The following ELP3 variants were observed in gnomAD, a reference collection of about 807,000 sequenced individuals.
The protein encoded by ELP3 is elongator acetyltransferase complex subunit 3.
In ELP3, 56 loss-of-function variants were observed where a neutral mutation model predicts 74.9. The observed-to-expected ratio is 0.75, with a 90% confidence interval of 0.60 to 0.93. The LOEUF is 0.93. ELP3 is among the 40% of genes least tolerant of loss of function. ELP3 has a pLI of 0.00. For missense variants in ELP3, 573 were observed against 686.5 expected, an observed-to-expected ratio of 0.83 and a Z score of 1.85; for synonymous variants, 222 against 239.8, an observed-to-expected ratio of 0.93 and a Z score of 0.68.
intron 5 of ELP3, among the ~76,000 whole-genome samples, chr8:28,108,563 T>C (rs1045585774): frequency 6.6e-6 from 1 of 151,728 alleles, no homozygotes; most frequent in Non-Finnish European, 1.5e-5. Flanking sequence ...TTCAAGTGAT[T>C]CTCCTGCCTC....
At chr8:28,182,846 C>G (rs532612868) in intron 14 of ELP3, among the ~76,000 whole-genome samples, 78 of 152,324 alleles carry the variant, frequency 5.1e-4, no homozygotes, top group African/African-American at 1.9e-3. Flanking sequence ...TCTTTCTCAT[C>G]ATGAGGGGCT....
At position 28,161,220 on chromosome 8, in the gene ELP3, T is replaced by C. The variant is rs117599245; in HGVS notation, c.1485+764T>C. Reference sequence around the variant, plus strand: ...AAATGTGTTAAAACCTAATGGCGGATATGATATACGAGCCAAAATTGATTA... The same window carrying C: ...AAATGTGTTAAAACCTAATGGCGGACATGATATACGAGCCAAAATTGATTA... On this transcript the variant is annotated intron_variant, in intron 13 of 14. Coordinates refer to ENST00000256398, the MANE Select transcript of ELP3 (RefSeq NM_018091.6). 8.3e-3 allele frequency among the ~76,000 whole-genome samples: 1,262 copies of C among 152,306 alleles called. 9 individuals are homozygous for C. Among genetic ancestry groups the C allele is most frequent in the Non-Finnish European group, 0.011 (738 of 68,028 alleles).
intron 14 of ELP3, among the ~76,000 whole-genome samples, chr8:28,167,438 GCTACTA>G (rs1230346247): frequency 6.6e-5 from 10 of 152,100 alleles, no homozygotes; most frequent in African/African-American, 2.4e-4. Context: ...TGTCTCTCAG[GCTACTA>G]CACATCTCCC....
At chr8:28,111,705 A>C (rs1399692561) in intron 6 of ELP3, among the ~76,000 whole-genome samples, 2 of 152,254 alleles carry the variant, frequency 1.3e-5, no homozygotes, top group African/African-American at 4.8e-5. Flanking sequence ...ACTATTGAGC[A>C]TGAAATGCTT....
At chr8:28,163,912 G>A (rs1331537850) in intron 14 of ELP3, among the ~76,000 whole-genome samples, 1 of 152,186 alleles carries the variant, frequency 6.6e-6, no homozygotes, top group African/African-American at 2.4e-5. Flanking sequence ...GTGATACCAT[G>A]CTGTCTTCAG....
At chr8:28,153,070 C>T (rs1813702799) in intron 10 of ELP3, among the ~76,000 whole-genome samples, 1 of 152,170 alleles carries the variant, frequency 6.6e-6, no homozygotes, top group South Asian at 2.1e-4. Flanking sequence ...TACTGAACAT[C>T]CAGGTAGCTC....
Position 28,110,780 on chromosome 8 carries a change from G to C in ELP3, c.462+342G>C, listed in dbSNP as rs529992589. 1.8e-5 allele frequency: 4 copies of C among 226,800 alleles called. No individual in the cohort carries two copies. In the South Asian group the frequency reaches 2.7e-4, roughly 15 times the overall value. 14.0% of individuals were successfully genotyped at this position (226,800 alleles called of 1,614,324 possible). A position where few individuals can be genotyped will look rare whatever the true frequency, so the allele number is the denominator to read the frequency against. On this transcript the variant is annotated intron_variant, in intron 6 of 14. Coordinates refer to ENST00000256398, the MANE Select transcript of ELP3 (RefSeq NM_018091.6). The stretch of plus-strand genomic sequence containing the variant: ...GTTGACTTTTAATTTCCAAAAGTCA[G>C]ATTAAGAAGTATTTTGACTGGCCAT...
At chr8:28,174,993 G>T (rs575470531) in intron 14 of ELP3, among the ~76,000 whole-genome samples, 1 of 152,212 alleles carries the variant, frequency 6.6e-6, no homozygotes, top group Non-Finnish European at 1.5e-5. Flanking sequence ...GACCTCCATA[G>T]TTTCTAATAT....
At chr8:28,130,074 T>C (rs1563263269) in intron 8 of ELP3, among the ~76,000 whole-genome samples, 1 of 152,200 alleles carries the variant, frequency 6.6e-6, no homozygotes. Flanking sequence ...TAGCAAAAAG[T>C]TTGGTGATGC....
chr8:28,188,601 G>A (rs1394784852), intron 14 of ELP3, among the ~76,000 whole-genome samples: 1 of 152,160 alleles, frequency 6.6e-6, no homozygotes, highest in African/African-American at 2.4e-5. Flanking sequence ...CCACTTGCTG[G>A]GAGCATGGTG....
At chr8:28,160,718 A>G (rs1170926350) in intron 13 of ELP3, among the ~76,000 whole-genome samples, 1 of 152,124 alleles carries the variant, frequency 6.6e-6, no homozygotes, top group Non-Finnish European at 1.5e-5. Flanking sequence ...TTTTTGAGAC[A>G]GAGCCTCACT....
intron 10 of ELP3, among the ~76,000 whole-genome samples, chr8:28,139,563 A>G (rs1813140041): frequency 6.6e-6 from 1 of 152,226 alleles, no homozygotes. Context: ...TGTACTGAAC[A>G]TGTATAGATT....
rs1364750295 is a variant in ELP3 at position 28,149,081 on chromosome 8, C to A, written c.1101-6861C>A. ...TGAGAAAGTGGGCCCTCACCAGGCACTGAATATGCAAGTACCTTAATCTTG... is the reference window on the plus strand; with the variant it reads ...TGAGAAAGTGGGCCCTCACCAGGCAATGAATATGCAAGTACCTTAATCTTG... On this transcript the variant is annotated intron_variant, in intron 10 of 14. Coordinates refer to ENST00000256398, the MANE Select transcript of ELP3 (RefSeq NM_018091.6). Among the ~76,000 whole-genome samples, 8 of 152,170 alleles carry A rather than the reference C, an allele frequency of 5.3e-5. 1 individual carries two copies. Among genetic ancestry groups the A allele is most frequent in the Admixed American group, 5.2e-4 (8 of 15,284 alleles).
At position 28,093,420 on chromosome 8, in the gene ELP3, C is replaced by T. The variant is rs940501233; in HGVS notation, c.19+187C>T. The T allele has an allele frequency of 4.3e-6, 3 of 703,258 alleles. 1 individual carries two copies. The highest frequency in any genetic ancestry group is 1.8e-5 in the African/African-American group (1 of 55,780). The allele number at this position is 703,258 out of a possible 1,614,324, so 43.6% of individuals were successfully genotyped here. ...GTTTTTCCTGTTTTGCTTTTTGAAG[C>T]ACCCTACCCTTCCTCTCTTCCTCTT... On this transcript the variant is annotated intron_variant, in intron 1 of 14. Transcript: ENST00000256398.
At chr8:28,158,424 C>T (rs1813927084) in intron 11 of ELP3, 144 bp from the exon 12 acceptor site, 1 of 644,058 alleles carries the variant, frequency 1.6e-6, no homozygotes, top group Non-Finnish European at 2.8e-6. Flanking sequence ...TCTTTTATCT[C>T]ACTGCAAGTT....
Position 28,096,452 on chromosome 8 carries a change from C to T in ELP3, c.20-767C>T, listed in dbSNP as rs186520727. ...TGAGAAGCTTGCTTGCTGACAGCTT[C>T]CAAGCTGATATCCCACAGCTTTTGT... On this transcript the variant is annotated intron_variant, in intron 1 of 14. Coordinates refer to ENST00000256398, the MANE Select transcript of ELP3 (RefSeq NM_018091.6). 4.5e-3 allele frequency among the ~76,000 whole-genome samples: 688 copies of T among 152,282 alleles called. 3 individuals are homozygous for T. Among genetic ancestry groups the T allele is most frequent in the African/African-American group, 0.014 (576 of 41,558 alleles).
At chr8:28,104,757 T>A (rs1447456478) in intron 3 of ELP3, among the ~76,000 whole-genome samples, 1 of 152,240 alleles carries the variant, frequency 6.6e-6, no homozygotes, top group Non-Finnish European at 1.5e-5. Context: ...TTCCTATCAC[T>A]GATGTTCCTC....
chr8:28,129,470 A>C (rs1324496845), intron 7 of ELP3, 32 bp from the exon 8 acceptor site: 16 of 1,611,918 alleles, frequency 9.9e-6, no homozygotes, highest in Non-Finnish European at 1.3e-5. Flanking sequence ...TAAAACCTGC[A>C]ACAGGTTAAT....
intron 10 of ELP3, among the ~76,000 whole-genome samples, chr8:28,140,114 T>TTGTGTG (rs56981709): frequency 0.024 from 3,440 of 143,756 alleles, 38 homozygotes; most frequent in Non-Finnish European, 0.026. Context: ...TGTACATATT[T>TTGTGTG]TGTGTGTGTG....
Sources: allele counts gnomAD v4.1 joint callset (sites outside exome capture counted in the v4.1 genomes callset), GRCh38; gene constraint gnomAD v4.1.1; transcripts MANE v1.5; gene names NCBI Gene and HGNC (gene_info 2026-07-23, HGNC 2026-07-21).